TENM4: variants seen among roughly 807,000 people sequenced by gnomAD.
TENM4 encodes teneurin transmembrane protein 4.
TENM4 carries 82 observed loss-of-function variants against 243.3 expected under a neutral mutation model. The observed-to-expected ratio is 0.34, with a 90% CI of 0.28 to 0.40. The LOEUF (loss-of-function observed/expected upper bound fraction) is 0.40, where lower values mean the gene tolerates loss of function less well. Ranked by LOEUF, TENM4 falls within the 10% of genes least tolerant of loss-of-function variation. The probability of loss-of-function intolerance (pLI) is 1.00; values close to 1 mark genes in which losing one functional copy is unlikely to be tolerated. For missense variants in TENM4, 3,138 were observed against 3,673.3 expected, an observed-to-expected ratio of 0.85 and a Z score of 3.77; for synonymous variants, 1,412 against 1,456.3, an observed-to-expected ratio of 0.97 and a Z score of 0.69.
intron 12 of TENM4, among the ~76,000 whole-genome samples, chr11:78,847,570 T>C (rs1858427798): frequency 1.3e-5 from 2 of 152,244 alleles, no homozygotes; most frequent in Admixed American, 1.3e-4. Flanking sequence ...ATTCCACTTA[T>C]ACCAGATTGC....
chr11:79,283,211 CAA>C lies in TENM4; in HGVS notation c.-265+14275_-265+14276del, dbSNP rs1555041345. Among the ~76,000 whole-genome samples the C allele has an allele frequency of 4.7e-3, 525 of 111,634 alleles. 8 individuals are homozygous for C. Among genetic ancestry groups the C allele is most frequent in the East Asian group, 0.045 (179 of 3,950 alleles). 73.2% of individuals were successfully genotyped at this position (111,634 alleles called of 152,430 possible). The stretch of plus-strand genomic sequence containing the variant: ...ATCAGACAAAGACATCACACACACA[CAA>C]ACACACACACACACACACACACACA... On this transcript the variant is annotated intron_variant, in intron 2 of 33. Transcript: ENST00000278550.
intron 9 of TENM4, among the ~76,000 whole-genome samples, chr11:78,868,770 C>T (rs1023558297): frequency 6.6e-6 from 1 of 152,204 alleles, no homozygotes; most frequent in African/African-American, 2.4e-5. Flanking sequence ...CCACTTGCAT[C>T]TGTGCATCAG....
intron 2 of TENM4, among the ~76,000 whole-genome samples, chr11:79,223,656 C>T (rs1864205750): frequency 6.6e-6 from 1 of 152,152 alleles, no homozygotes; most frequent in African/African-American, 2.4e-5. Context: ...GCCATTCTCA[C>T]CCCAGACCTT....
intron 1 of TENM4, among the ~76,000 whole-genome samples, chr11:79,379,196 C>G (rs1234376283): frequency 6.6e-6 from 1 of 152,104 alleles, no homozygotes. Context: ...CTCGTGGGTT[C>G]AAGGACAGAG....
chr11:78,734,561 C>T (rs1031206411), intron 20 of TENM4, among the ~76,000 whole-genome samples: 2 of 151,578 alleles, frequency 1.3e-5, no homozygotes, highest in Admixed American at 6.6e-5. Context: ...TCCTGGGTGA[C>T]TTCAAACTAG....
rs58980425 is a variant in TENM4, at chr11:79,323,569, G to A, written c.-320-26026C>T. On this transcript the variant is annotated intron_variant, in intron 1 of 33. Transcript: ENST00000278550. ...TGTGAGTCAACTTGATTAAACTATG[G>A]TACCCAATCGCTTGGTCAAACACTA... Among the ~76,000 whole-genome samples the A allele has an allele frequency of 3.2e-3, 482 of 152,286 alleles. 9 individuals are homozygous for A. The East Asian group carries it at 0.037, about 12-fold the overall frequency.
Position 78,656,696 on chromosome 11 carries a change from A to C in TENM4, c.*1362T>G. On this transcript the variant is annotated 3_prime_UTR_variant, in exon 34 of 34. Coordinates refer to ENST00000278550, the MANE Select transcript of TENM4 (RefSeq NM_001098816.3). ...CCTGCTCCTGGTGGGGTTGTATGAT[A>C]TGGGCAGGCCACACCACATCAGCTC... 4.7e-6 allele frequency: 1 copy of C among 214,210 alleles called. No individual in the cohort carries two copies. Among genetic ancestry groups the C allele is most frequent in the Non-Finnish European group, 9.1e-6 (1 of 109,430 alleles). 13.3% of individuals were successfully genotyped at this position (214,210 alleles called of 1,614,324 possible).
chr11:79,331,908 A>AC (rs1857067704), intron 1 of TENM4, among the ~76,000 whole-genome samples: 1 of 152,220 alleles, frequency 6.6e-6, no homozygotes, highest in African/African-American at 2.4e-5. Flanking sequence ...ACTTGTTCTG[A>AC]AATCAAAGTT....
At chr11:79,410,649 G>A (rs1170527997) in intron 1 of TENM4, among the ~76,000 whole-genome samples, 1 of 152,170 alleles carries the variant, frequency 6.6e-6, no homozygotes, top group Non-Finnish European at 1.5e-5. Flanking sequence ...AATTCAAAGA[G>A]CTGTGACTTT....
chr11:78,706,862 C>T (rs1462996989), intron 27 of TENM4, among the ~76,000 whole-genome samples: 2 of 152,188 alleles, frequency 1.3e-5, no homozygotes, highest in Non-Finnish European at 2.9e-5. Context: ...AGCTTGCTCA[C>T]AGACTGGAGA....
chr11:79,431,761 C>T (rs1266966058), intron 1 of TENM4, among the ~76,000 whole-genome samples: 1 of 152,162 alleles, frequency 6.6e-6, no homozygotes, highest in Admixed American at 6.5e-5. Flanking sequence ...GTGGCATACC[C>T]AGGAAATGAA....
At chr11:79,182,360 A>G (rs1450762710) in intron 3 of TENM4, among the ~76,000 whole-genome samples, 2 of 152,146 alleles carry the variant, frequency 1.3e-5, no homozygotes, top group Non-Finnish European at 2.9e-5. Context: ...ATTTTCAACA[A>G]ATGGTGTAGG....
At chr11:78,707,840 T>A (rs1307552224) in intron 27 of TENM4, among the ~76,000 whole-genome samples, 1 of 152,214 alleles carries the variant, frequency 6.6e-6, no homozygotes, top group South Asian at 2.1e-4. Flanking sequence ...ATTTCACAGA[T>A]ATAAAAAGTG....
At chr11:78,716,309 T>C (rs2135819284) in intron 25 of TENM4, among the ~76,000 whole-genome samples, 1 of 152,292 alleles carries the variant, frequency 6.6e-6, no homozygotes, top group East Asian at 1.9e-4. Flanking sequence ...CCCCCTCTTC[T>C]TCCCCACTGG....
chr11:79,182,080 T>A (rs1295936860), intron 3 of TENM4, among the ~76,000 whole-genome samples: 1 of 152,192 alleles, frequency 6.6e-6, no homozygotes, highest in Admixed American at 6.5e-5. Context: ...ATTTTGTGAT[T>A]GTTGACAAAA....
intron 1 of TENM4, among the ~76,000 whole-genome samples, chr11:79,366,722 C>T (rs749364460): frequency 6.6e-6 from 1 of 152,144 alleles, no homozygotes. Flanking sequence ...CTCCTTGAGG[C>T]CTGGGAAGGT....
At chr11:78,716,441 C>T (rs1859522931) in intron 25 of TENM4, among the ~76,000 whole-genome samples, 1 of 152,224 alleles carries the variant, frequency 6.6e-6, no homozygotes, top group Admixed American at 6.5e-5. Flanking sequence ...AAACCTTGAA[C>T]TCCTCAAGAG....
chr11:79,176,521 G>A (rs1355641272), intron 3 of TENM4, among the ~76,000 whole-genome samples: 1 of 152,120 alleles, frequency 6.6e-6, no homozygotes, highest in Non-Finnish European at 1.5e-5. Flanking sequence ...AACTTTCCAA[G>A]TCAGTCATAT....
At chr11:79,393,365 C>T (rs1012740189) in intron 1 of TENM4, among the ~76,000 whole-genome samples, 1 of 152,118 alleles carries the variant, frequency 6.6e-6, no homozygotes, top group Non-Finnish European at 1.5e-5. Context: ...CTCTCTGGGT[C>T]TCCGTTTCCT....
Sources: allele counts gnomAD v4.1 joint callset (sites outside exome capture counted in the v4.1 genomes callset), GRCh38; gene constraint gnomAD v4.1.1; transcripts MANE v1.5; gene names NCBI Gene and HGNC (gene_info 2026-07-23, HGNC 2026-07-21).